Variants in GNB4 observed in about 807,000 individuals in gnomAD.
The protein encoded by GNB4 is guanine nucleotide-binding protein subunit beta-4.
Under a neutral mutation model 45.2 loss-of-function variants are expected in GNB4, and 28 were observed. The observed-to-expected ratio is 0.62, with a 90% confidence interval of 0.46 to 0.85. The LOEUF (loss-of-function observed/expected upper bound fraction) is 0.85, where lower values mean the gene tolerates loss of function less well. GNB4 is among the 40% of genes least tolerant of loss of function. GNB4 has a pLI of 0.00. For synonymous variants in GNB4, 132 were observed against 143.7 expected (o/e 0.92, Z 0.58); for missense variants, 321 against 425.4 (o/e 0.75, Z 2.16).
chr3:179,462,302 T>C, the GNB4 span, among the ~76,000 whole-genome samples: 2 of 152,210 alleles, frequency 1.3e-5, no homozygotes, highest in African/African-American at 4.8e-5. Context: ...TTCTGATCTT[T>C]GCAGTACTTG....
the GNB4 span, among the ~76,000 whole-genome samples, chr3:179,527,689 A>G: frequency 6.6e-6 from 1 of 152,208 alleles, no homozygotes; most frequent in African/African-American, 2.4e-5. Flanking sequence ...CATGATTTTC[A>G]TACAAATATA....
the GNB4 span, among the ~76,000 whole-genome samples, chr3:179,524,797 AGG>A: frequency 6.6e-6 from 1 of 152,172 alleles, no homozygotes; most frequent in Non-Finnish European, 1.5e-5. Flanking sequence ...ATAAAGAAAA[AGG>A]AGCATTAACC....
the GNB4 span, among the ~76,000 whole-genome samples, chr3:179,462,715 G>A: frequency 5.9e-5 from 9 of 152,164 alleles, no homozygotes; most frequent in African/African-American, 2.2e-4. Flanking sequence ...GCGCACCCCT[G>A]TAATCCCAGC....
the GNB4 span, among the ~76,000 whole-genome samples, chr3:179,475,512 C>G: frequency 4.6e-5 from 7 of 151,912 alleles, no homozygotes; most frequent in Non-Finnish European, 1.0e-4. Flanking sequence ...CTCAGTCTCT[C>G]ACCAGGCTGG....
intron 1 of GNB4, among the ~76,000 whole-genome samples, chr3:179,431,852 C>T (rs895006227): frequency 2.0e-5 from 3 of 152,170 alleles, no homozygotes; most frequent in Admixed American, 6.5e-5. Flanking sequence ...CTTAATTTGT[C>T]CACTGTGGAG....
At position 179,442,740 on chromosome 3, in the gene GNB4, C is replaced by T. The variant is rs981258670; in HGVS notation, c.-43+8606G>A. On this transcript the variant is annotated intron_variant, in intron 1 of 9. Coordinates refer to ENST00000232564, the MANE Select transcript of GNB4 (RefSeq NM_021629.4). Reference sequence around the variant, plus strand: ...ACCCAGTGGCTCAAACGATCTCCGACCTCAGCCTACCAAGTTGCTGGAACT... The same window carrying T: ...ACCCAGTGGCTCAAACGATCTCCGATCTCAGCCTACCAAGTTGCTGGAACT... 3.3e-5 allele frequency among the ~76,000 whole-genome samples: 5 copies of T among 152,032 alleles called. 1 individual carries two copies. Among genetic ancestry groups the T allele is most frequent in the African/African-American group, 1.2e-4 (5 of 41,472 alleles).
chr3:179,436,836 G>A (rs1305840320), intron 1 of GNB4, among the ~76,000 whole-genome samples: 1 of 152,132 alleles, frequency 6.6e-6, no homozygotes, highest in East Asian at 1.9e-4. Flanking sequence ...ATTATATTGA[G>A]CATTTTTCAG....
chr3:179,415,165 A>C, intron 5 of GNB4, 118 bp from the exon 6 acceptor site: 3 of 704,622 alleles, frequency 4.3e-6, no homozygotes, highest in Non-Finnish European at 6.2e-6. Flanking sequence ...AGATAAGTCA[A>C]ATAAAATAAT....
chr3:179,464,558 C>A, the GNB4 span: 1 of 1,553,488 alleles, frequency 6.4e-7, no homozygotes, highest in Non-Finnish European at 8.9e-7. Flanking sequence ...CACACCTGAG[C>A]ATGATCCTGG....
the GNB4 span, among the ~76,000 whole-genome samples, chr3:179,495,952 G>A: frequency 8.5e-5 from 13 of 152,294 alleles, no homozygotes; most frequent in East Asian, 3.9e-4. Flanking sequence ...TATAAAAGGA[G>A]TTCTTCAGGC....
At chr3:179,427,579 T>C (rs934489575) in intron 1 of GNB4, among the ~76,000 whole-genome samples, 1 of 141,368 alleles carries the variant, frequency 7.1e-6, no homozygotes, top group Admixed American at 7.4e-5. Flanking sequence ...CACTCCAGCC[T>C]GGGTGACAGA....
chr3:179,451,317 G>T (rs563796463), intron 1 of GNB4, 29 bp downstream of exon 1: 1 of 151,336 alleles, frequency 6.6e-6, no homozygotes, highest in Non-Finnish European at 1.5e-5. Context: ...GCGCACCGAC[G>T]AGCCGCCGCT....
the GNB4 span, among the ~76,000 whole-genome samples, chr3:179,474,129 T>C: frequency 6.6e-6 from 1 of 152,188 alleles, no homozygotes; most frequent in Non-Finnish European, 1.5e-5. Flanking sequence ...ATTCAAGGCT[T>C]AGTGAGCTAT....
Position 179,409,518 on chromosome 3 carries a change from CA to C in GNB4, c.699+3893del, listed in dbSNP as rs553363483. On this transcript the variant is annotated intron_variant, in intron 8 of 9. Coordinates refer to ENST00000232564, the MANE Select transcript of GNB4 (RefSeq NM_021629.4). ...CAAGGGAGAAACTCCATCTCAAAAA[CA>C]AAAAAAAAAAGGCCAGGGGCTGTGA... 1.5e-3 allele frequency among the ~76,000 whole-genome samples: 162 copies of C among 106,302 alleles called. No homozygotes were observed. In the South Asian group the frequency reaches 0.021, roughly 14 times the overall value. 69.7% of individuals were successfully genotyped at this position (106,302 alleles called of 152,430 possible). A position where few individuals can be genotyped will look rare whatever the true frequency, so the allele number is the denominator to read the frequency against.
At chr3:179,483,819 A>T in the GNB4 span, among the ~76,000 whole-genome samples, 9 of 152,192 alleles carry the variant, frequency 5.9e-5, no homozygotes, top group African/African-American at 1.9e-4. Context: ...TTCTGATACT[A>T]TCCTAATAGT....
intron 1 of GNB4, among the ~76,000 whole-genome samples, chr3:179,443,442 G>A (rs1336866278): frequency 1.3e-5 from 2 of 152,060 alleles, no homozygotes; most frequent in African/African-American, 2.4e-5. Context: ...GCGAGGCTGA[G>A]GCATGAGAAT....
chr3:179,443,572 G>C (rs566129710), intron 1 of GNB4, among the ~76,000 whole-genome samples: 1 of 152,236 alleles, frequency 6.6e-6, no homozygotes, highest in South Asian at 2.1e-4. Context: ...TTACCAATAA[G>C]TAGAAATAGA....
intron 1 of GNB4, among the ~76,000 whole-genome samples, chr3:179,447,502 C>G (rs1715765539): frequency 6.6e-6 from 1 of 152,068 alleles, no homozygotes. Flanking sequence ...ATATGCACCA[C>G]CACGCCTGGC....
chr3:179,406,875 A>C (rs1714486488), intron 8 of GNB4, among the ~76,000 whole-genome samples: 1 of 152,078 alleles, frequency 6.6e-6, no homozygotes, highest in African/African-American at 2.4e-5. Context: ...TCAGCCTCCC[A>C]AAGTACTGAG....
Sources: allele counts gnomAD v4.1 joint callset (sites outside exome capture counted in the v4.1 genomes callset), GRCh38; gene constraint gnomAD v4.1.1; transcripts MANE v1.5; gene names NCBI Gene and HGNC (gene_info 2026-07-23, HGNC 2026-07-21).